TMEM232: variants seen among roughly 807,000 people sequenced by gnomAD.
TMEM232 encodes the protein transmembrane protein 232.
TMEM232 carries 80 observed loss-of-function variants against 78.8 expected under a neutral mutation model. That is an observed-to-expected ratio of 1.01 (90% CI 0.85 to 1.22). The LOEUF is 1.22. Ranked by LOEUF, TMEM232 falls within the 50% of genes most tolerant of loss-of-function variation. TMEM232 has a pLI of 0.00. For missense variants in TMEM232, 881 were observed against 742.2 expected (o/e 1.19, Z -2.17); for synonymous variants, 297 against 254.3 (o/e 1.17, Z -1.60).
chr5:110,710,583 C>T (rs1226561602), intron 1 of TMEM232, among the ~76,000 whole-genome samples: 1 of 152,050 alleles, frequency 6.6e-6, no homozygotes, highest in Non-Finnish European at 1.5e-5. Context: ...TGCAAAGATG[C>T]TTCCATGTAT....
At chr5:110,591,469 A>G (rs1779520404) in intron 10 of TMEM232, among the ~76,000 whole-genome samples, 1 of 152,212 alleles carries the variant, frequency 6.6e-6, no homozygotes, top group Non-Finnish European at 1.5e-5. Context: ...AGGAATAAGC[A>G]TTACAAAAAG....
At chr5:110,695,773 A>G (rs1360629985) in intron 1 of TMEM232, among the ~76,000 whole-genome samples, 2 of 152,356 alleles carry the variant, frequency 1.3e-5, no homozygotes, top group East Asian at 3.9e-4. Context: ...ATCTCTGAAT[A>G]GACCAATAAC....
intron 12 of TMEM232, among the ~76,000 whole-genome samples, chr5:110,447,209 A>C (rs1759755705): frequency 6.6e-6 from 1 of 151,960 alleles, no homozygotes; most frequent in Non-Finnish European, 1.5e-5. Context: ...TTTAAAAGGA[A>C]ATCAAAGAAA....
chr5:110,595,016 A>G (rs552710530), intron 10 of TMEM232, among the ~76,000 whole-genome samples: 40 of 152,286 alleles, frequency 2.6e-4, no homozygotes, highest in African/African-American at 9.4e-4. Flanking sequence ...CACCTCACAC[A>G]GGAGAGCTCC....
intron 10 of TMEM232, among the ~76,000 whole-genome samples, chr5:110,580,184 T>A (rs1427188053): frequency 1.3e-5 from 2 of 151,710 alleles, no homozygotes. Context: ...CATAACAGTG[T>A]TTCAGTCAAC....
intron 2 of TMEM232, among the ~76,000 whole-genome samples, chr5:110,661,249 T>C (rs1272635525): frequency 6.6e-6 from 1 of 152,178 alleles, no homozygotes; most frequent in Non-Finnish European, 1.5e-5. Context: ...GACACTTAGA[T>C]TGATTCCATA....
chr5:110,733,737 G>C (rs1464001996), intron 2 of TMEM232, among the ~76,000 whole-genome samples: 2 of 152,132 alleles, frequency 1.3e-5, no homozygotes, highest in African/African-American at 4.8e-5. Flanking sequence ...TTGGGTGCTA[G>C]GCTTAGTACC....
intron 7 of TMEM232, among the ~76,000 whole-genome samples, chr5:110,619,309 T>C (rs1783344907): frequency 6.6e-6 from 1 of 152,160 alleles, no homozygotes; most frequent in Non-Finnish European, 1.5e-5. Flanking sequence ...TAAAACAACA[T>C]CAGGACTACA....
chr5:110,433,999 G>A (rs187345918), intron 12 of TMEM232, among the ~76,000 whole-genome samples: 1 of 151,994 alleles, frequency 6.6e-6, no homozygotes, highest in East Asian at 1.9e-4. Context: ...ATTATAGAAT[G>A]AGTTAAGGAG....
intron 13 of TMEM232, among the ~76,000 whole-genome samples, chr5:110,422,550 T>G (rs988894099): frequency 4.4e-5 from 6 of 134,912 alleles, no homozygotes; most frequent in African/African-American, 1.7e-4. Flanking sequence ...AAAAAAAAAT[T>G]GTGAAAAATC....
downstream of TMEM232, among the ~76,000 whole-genome samples, chr5:110,418,569 AT>A (rs1208320102): frequency 3.3e-5 from 5 of 152,160 alleles, no homozygotes; most frequent in East Asian, 1.9e-4. Flanking sequence ...ATATATAAAT[AT>A]TTTTTTAGCT....
intron 10 of TMEM232, among the ~76,000 whole-genome samples, chr5:110,569,759 T>C (rs1020065087): frequency 3.9e-5 from 6 of 151,938 alleles, no homozygotes; most frequent in Non-Finnish European, 8.8e-5. Flanking sequence ...ACTAACTATG[T>C]GGTCCAATTT....
At chr5:110,486,525 T>C (rs757520384) in intron 12 of TMEM232, among the ~76,000 whole-genome samples, 1 of 152,170 alleles carries the variant, frequency 6.6e-6, no homozygotes, top group South Asian at 2.1e-4. Context: ...AGTTTCATTC[T>C]CCTACATGTG....
intron 5 of TMEM232, among the ~76,000 whole-genome samples, chr5:110,631,249 G>A (rs28497043): frequency 0.068 from 10,268 of 152,112 alleles, 476 homozygotes; most frequent in South Asian, 0.18. Context: ...CTGGGACAAA[G>A]GAAACCAAGG....
At chr5:110,666,979 T>C (rs186922954) in intron 2 of TMEM232, 15 of 294,146 alleles carry the variant, frequency 5.1e-5, no homozygotes, top group African/African-American at 3.1e-4. Flanking sequence ...TATTTTCTCA[T>C]GCAATCTATG....
chr5:110,547,957 C>A (rs550391982), intron 11 of TMEM232, among the ~76,000 whole-genome samples: 3 of 146,904 alleles, frequency 2.0e-5, no homozygotes, highest in Non-Finnish European at 3.0e-5. Context: ...GAGATCACGC[C>A]GCTGCACTCC....
chr5:110,583,719 A>G (rs1186842407), intron 10 of TMEM232, among the ~76,000 whole-genome samples: 1 of 151,856 alleles, frequency 6.6e-6, no homozygotes, highest in Non-Finnish European at 1.5e-5. Flanking sequence ...TGGGGGGATT[A>G]TATTTGCAGA....
intron 1 of TMEM232, among the ~76,000 whole-genome samples, chr5:110,669,152 G>T (rs1454071836): frequency 1.3e-5 from 2 of 151,950 alleles, no homozygotes; most frequent in Admixed American, 6.6e-5. Context: ...AGGAGATAGA[G>T]ACACAAAAAA....
downstream of TMEM232, among the ~76,000 whole-genome samples, chr5:110,416,563 C>CCAAT (rs1756221938): frequency 6.6e-6 from 1 of 152,162 alleles, no homozygotes; most frequent in Admixed American, 6.5e-5. Context: ...AAAGCAATTT[C>CCAAT]CAATCAGCTA....
Sources: allele counts gnomAD v4.1 joint callset (sites outside exome capture counted in the v4.1 genomes callset), GRCh38; gene constraint gnomAD v4.1.1; transcripts MANE v1.5; gene names NCBI Gene and HGNC (gene_info 2026-07-23, HGNC 2026-07-21).